Variants in SFSWAP observed in about 807,000 individuals in gnomAD.
The protein encoded by SFSWAP is splicing factor, suppressor of white-apricot homolog.
A neutral mutation model predicts 100.7 loss-of-function variants in SFSWAP; 17 were observed. That is an observed-to-expected ratio of 0.17 (90% CI 0.12 to 0.25). The LOEUF is 0.25. Ranked by LOEUF, SFSWAP falls within the 10% of genes least tolerant of loss-of-function variation. The pLI is 1.00. For missense variants in SFSWAP, 1,005 were observed against 1,262.6 expected (o/e 0.80, Z 3.09); for synonymous variants, 504 against 510.1 (o/e 0.99, Z 0.16).
In SFSWAP at chr12:131,753,320, G is replaced by A. The variant is rs745375453; in HGVS notation, c.1279G>A (p.Ala427Thr). The A allele has an allele frequency of 6.2e-7, 1 of 1,612,178 alleles. No individual in the cohort carries two copies. Among genetic ancestry groups the A allele is most frequent in the Admixed American group, 1.7e-5 (1 of 60,006 alleles). Residue 427 changes from alanine (A) to threonine (T), a missense_variant, in exon 8 of 18, where the codon GCA (alanine) becomes ACA (threonine). Physicochemically the swap from Ala to Thr is moderately conservative, Grantham distance 58. Coordinates refer to ENST00000261674, the MANE Select transcript of SFSWAP (RefSeq NM_004592.4). ...CACACCACTACCGCCCCCAACCACA[G>A]CAGAGACTAGCAGCGGGGCCACCTC... ...GTTPLPPPTT[A>T]ETSSGATSTT...
Position 131,797,042 on chromosome 12 carries a change from G to A in SFSWAP, c.2535-136G>A, listed in dbSNP as rs538935207. Reference sequence around the variant, plus strand: ...ATAAGTAGCTTTAAGAGAAGTTAATGGGTTTGGAGTGGTTCCGTCCCTGAA... The same window carrying A: ...ATAAGTAGCTTTAAGAGAAGTTAATAGGTTTGGAGTGGTTCCGTCCCTGAA... On this transcript the variant is annotated intron_variant, in intron 15 of 17. Transcript: ENST00000261674. The A allele has an allele frequency of 2.6e-5, 18 of 695,674 alleles. 1 individual carries two copies. In the South Asian group the frequency reaches 3.2e-4, roughly 12 times the overall value. 43.1% of individuals were successfully genotyped at this position (695,674 alleles called of 1,614,324 possible).
At chr12:131,769,293 T>G (rs1401576285) in intron 13 of SFSWAP, among the ~76,000 whole-genome samples, 1 of 152,098 alleles carries the variant, frequency 6.6e-6, no homozygotes, top group African/African-American at 2.4e-5. Flanking sequence ...AAAATATGCA[T>G]GTAGCAAGGA....
At position 131,714,287 on chromosome 12, in the gene SFSWAP, T is replaced by G. The variant is rs1343550197; in HGVS notation, c.388+47T>G. ...CTTCAGCAACAAACTTTTTAAAATT[T>G]TTAAGTATTTAAAAATTTACTCCCA... On this transcript the variant is annotated intron_variant, in intron 2 of 17. Transcript: ENST00000261674. The surrounding 1 kb of genome is among the most constrained non-coding windows in gnomAD (Gnocchi z 6.0). 1 of 1,499,946 alleles carries G rather than the reference T, an allele frequency of 6.7e-7. No homozygotes were observed. 92.9% of individuals were successfully genotyped at this position (1,499,946 alleles called of 1,614,324 possible).
chr12:131,757,209 G>C (rs1405359083), intron 11 of SFSWAP: 1 of 153,120 alleles, frequency 6.5e-6, no homozygotes, highest in Non-Finnish European at 1.5e-5. Context: ...TCCCCCCGCG[G>C]GAGGGAGGTT....
chr12:131,797,063 C>T (rs2136284665), intron 15 of SFSWAP, 115 bp from the exon 16 acceptor site: 2 of 864,816 alleles, frequency 2.3e-6, no homozygotes, highest in East Asian at 2.4e-5. Flanking sequence ...GGTTCCGTCC[C>T]TGAATTGTGC....
chr12:131,717,155 G>C (rs575708372), intron 3 of SFSWAP, among the ~76,000 whole-genome samples: 10 of 151,990 alleles, frequency 6.6e-5, no homozygotes, highest in Non-Finnish European at 1.5e-4. Context: ...ACCACTAACA[G>C]CCCCATTGAG....
At chr12:131,795,978 T>TAGGGGAGGGG (rs1593199941) in intron 15 of SFSWAP, 1 of 67,576 alleles carries the variant, frequency 1.5e-5, no homozygotes, top group Admixed American at 1.8e-4. Context: ...AGGGGAGGGA[T>TAGGGGAGGGG]AGGGGAGGGG....
chr12:131,716,636 A>G (rs560312299), intron 3 of SFSWAP, among the ~76,000 whole-genome samples: 1 of 152,262 alleles, frequency 6.6e-6, no homozygotes, highest in African/African-American at 2.4e-5. Context: ...GAAAGAAAAT[A>G]ACAAAGTTTT....
chr12:131,778,201 A>G lies in SFSWAP; in HGVS notation c.2279A>G (p.Lys760Arg). Residue 760 changes from lysine (K) to arginine (R), a missense_variant, in exon 14 of 18, where the codon AAG becomes AGG. Physicochemically the swap from Lys to Arg is conservative, Grantham distance 26 (BLOSUM62 2). Transcript: ENST00000261674. This position sits in a 1 kb window ranked among gnomAD's most constrained non-coding sequence, Gnocchi z 4.2. ...REEEKEKKKKKHKKRSRTRSR... is the reference protein window; with the variant it reads ...REEEKEKKKKRHKKRSRTRSR... ...GAAGAGAAAGAAAAGAAAAAGAAAA[A>G]GCACAAAAAAAGATCTCGAACAAGA... The G allele has an allele frequency of 1.2e-6, 2 of 1,614,116 alleles. No homozygotes were observed. The highest frequency in any genetic ancestry group is 1.7e-6 in the Non-Finnish European group (2 of 1,179,994).
At position 131,756,661 on chromosome 12, in the gene SFSWAP, A is replaced by C. The variant is rs749033840; in HGVS notation, c.1720+17A>C. On this transcript the variant is annotated intron_variant, in intron 11 of 17. Transcript: ENST00000261674. ...TGGTGAAAGGTATGCTGCCACTTGC[A>C]TGTTGGCCTTGCACATTCCACCATA... is the stretch of plus-strand genomic sequence containing the variant. 21 of 1,566,022 alleles carry C rather than the reference A, an allele frequency of 1.3e-5. No homozygotes were observed. Among genetic ancestry groups the C allele is most frequent in the Admixed American group, 1.9e-5 (1 of 53,406 alleles).
rs997336231 is a variant in SFSWAP, at chr12:131,730,845, T to C, written c.1081+2417T>C. On this transcript the variant is annotated intron_variant, in intron 7 of 17. Coordinates refer to ENST00000261674, the MANE Select transcript of SFSWAP (RefSeq NM_004592.4). The surrounding 1 kb of genome is among the most constrained non-coding windows in gnomAD (Gnocchi z 4.0). Reference sequence around the variant, plus strand: ...TCTCCTCCCCTCAATACGGTGCCGTTGTTTTGAAACTCATCGTCTCCCCTC... The same window carrying C: ...TCTCCTCCCCTCAATACGGTGCCGTCGTTTTGAAACTCATCGTCTCCCCTC... Among the ~76,000 whole-genome samples, 1 of 152,198 alleles carries C rather than the reference T, an allele frequency of 6.6e-6. No individual in the cohort carries two copies. Among genetic ancestry groups the C allele is most frequent in the Non-Finnish European group, 1.5e-5 (1 of 68,032 alleles).
At chr12:131,715,754 A>G (rs948412784) in intron 3 of SFSWAP, among the ~76,000 whole-genome samples, 2 of 112,508 alleles carry the variant, frequency 1.8e-5, no homozygotes, top group African/African-American at 5.8e-5. Flanking sequence ...AAATGTTTAC[A>G]TTACATCAAA....
chr12:131,781,440 T>C (rs1473019685), intron 14 of SFSWAP, among the ~76,000 whole-genome samples: 5 of 151,760 alleles, frequency 3.3e-5, no homozygotes, highest in African/African-American at 1.2e-4. Flanking sequence ...GGTTTCACCG[T>C]GTTAGCCAGG....
chr12:131,734,328 A>T lies in SFSWAP; in HGVS notation c.1081+5900A>T, dbSNP rs1334225234. ...ACTTTGGATTCTTACGAAGACAAGA[A>T]TGAATGTCTTGGCTAACCATGATCT... On this transcript the variant is annotated intron_variant, in intron 7 of 17. Coordinates refer to ENST00000261674, the MANE Select transcript of SFSWAP (RefSeq NM_004592.4). The surrounding 1 kb of genome is among the most constrained non-coding windows in gnomAD (Gnocchi z 4.9). 6.6e-6 allele frequency among the ~76,000 whole-genome samples: 1 copy of T among 152,248 alleles called. No homozygotes were observed. The highest frequency in any genetic ancestry group is 1.5e-5 in the Non-Finnish European group (1 of 68,036).
At chr12:131,720,978 C>T (rs995125974) in intron 4 of SFSWAP, among the ~76,000 whole-genome samples, 3 of 152,130 alleles carry the variant, frequency 2.0e-5, no homozygotes, top group African/African-American at 4.8e-5. Flanking sequence ...TACAGGAAGC[C>T]GGGCAGCATC....
Position 131,797,342 on chromosome 12 carries a change from C to T in SFSWAP, c.2699C>T (p.Ser900Phe). The part of the protein sequence containing the change: ...ASVSPVESRG[S>F]SQERSRGVSQ... Reference sequence around the variant, plus strand: ...GTCTCCCCTGTGGAGAGTCGGGGCTCCAGCCAGGAGCGCTCCAGGTAACCC... The same window carrying T: ...GTCTCCCCTGTGGAGAGTCGGGGCTTCAGCCAGGAGCGCTCCAGGTAACCC... The change falls in exon 16 of 18, where the codon TCC becomes TTC. Residue 900 changes from serine (S) to phenylalanine (F), a missense_variant. Transcript: ENST00000261674. 1.9e-6 allele frequency: 3 copies of T among 1,609,462 alleles called. No individual in the cohort carries two copies. Among genetic ancestry groups the T allele is most frequent in the Non-Finnish European group, 2.5e-6 (3 of 1,178,066 alleles).
chr12:131,777,695 T>G (rs1393611257), intron 13 of SFSWAP, among the ~76,000 whole-genome samples: 2 of 152,306 alleles, frequency 1.3e-5, no homozygotes, highest in East Asian at 3.9e-4. Context: ...TATTTCTGGT[T>G]CTAGATCCCT....
chr12:131,717,188 A>T (rs917477643), intron 3 of SFSWAP, among the ~76,000 whole-genome samples: 11 of 152,002 alleles, frequency 7.2e-5, no homozygotes, highest in East Asian at 1.9e-4. Context: ...TTAAAATAAA[A>T]TTTTTTTTCC....
Position 131,755,415 on chromosome 12 carries a change from A to G in SFSWAP, c.1484A>G (p.Tyr495Cys). 1 of 1,613,936 alleles carries G rather than the reference A, an allele frequency of 6.2e-7. No homozygotes were observed. ...GAGTTCCTGCAGCCGTGGCACCAGT[A>G]TAATGCTTATTATGAGTTTAAGAAG... Reference protein sequence around the residue: ...RFEFLQPWHQYNAYYEFKKQF... With the variant: ...RFEFLQPWHQCNAYYEFKKQF... Residue 495 changes from tyrosine (Y) to cysteine (C), a missense_variant, in exon 10 of 18, where the codon TAT becomes TGT. Physicochemically the swap from Tyr to Cys is radical, Grantham distance 194. Transcript: ENST00000261674.
Sources: gnomAD v4.1 joint callset for allele counts (sites outside exome capture counted in the v4.1 genomes callset) on GRCh38, gnomAD v4.1.1 for gene constraint, Gnocchi (gnomAD v3.1) non-coding constraint, MANE v1.5 for transcripts, NCBI Gene and HGNC (gene_info 2026-07-23, HGNC 2026-07-21) for gene names.